The following EMC3 variants were observed in gnomAD, a reference collection of about 807,000 sequenced individuals.
The protein encoded by EMC3 is ER membrane protein complex subunit 3.
EMC3 carries 13 observed loss-of-function variants against 36.6 expected under a neutral mutation model. The ratio of observed to expected loss-of-function variants is 0.35; its 90% confidence interval spans 0.23 to 0.56. The LOEUF (loss-of-function observed/expected upper bound fraction) is 0.56. EMC3 is among the 20% of genes least tolerant of loss of function. The pLI, the probability that EMC3 is intolerant of heterozygous loss-of-function variation, is 0.84. For missense variants in EMC3, 220 were observed against 324.5 expected, an observed-to-expected ratio of 0.68 and a Z score of 2.47; for synonymous variants, 120 against 111.9, an observed-to-expected ratio of 1.07 and a Z score of -0.46.
chr3:9,976,789 G>T (rs998011144), intron 3 of EMC3, among the ~76,000 whole-genome samples, 168 bp downstream of exon 3: 1 of 152,110 alleles, frequency 6.6e-6, no homozygotes, highest in Admixed American at 6.5e-5. Context: ...CTGAAAAAGA[G>T]AATTCCACTT....
intron 1 of EMC3, chr3:10,009,278 C>T (rs989283129): frequency 1.3e-5 from 2 of 152,376 alleles, no homozygotes; most frequent in East Asian, 3.9e-4. Flanking sequence ...GCATATATAT[C>T]TTCTATATAC....
intron 1 of EMC3, among the ~76,000 whole-genome samples, chr3:9,980,562 T>TG (rs1443734424): frequency 5.4e-5 from 8 of 149,196 alleles, no homozygotes; most frequent in Admixed American, 2.0e-4. Context: ...TTGTTTTTTT[T>TG]TTTTTTGTAG....
At chr3:9,989,371 C>G (rs13099736), upstream of EMC3, among the ~76,000 whole-genome samples, 33,257 of 151,186 alleles carry the variant, frequency 0.22, 3,871 homozygotes, top group African/African-American at 0.34. Flanking sequence ...GCCAATGTAG[C>G]GAAACCCCGT....
chr3:9,991,079 T>G (rs1260008585), upstream of EMC3, among the ~76,000 whole-genome samples: 2 of 150,056 alleles, frequency 1.3e-5, no homozygotes, highest in Admixed American at 6.6e-5. Context: ...CTGCCCGCCT[T>G]GGCCTCCCAA....
intron 7 of EMC3, among the ~76,000 whole-genome samples, chr3:9,965,214 C>G (rs2085724869): frequency 6.6e-6 from 1 of 151,856 alleles, no homozygotes; most frequent in Non-Finnish European, 1.5e-5. Flanking sequence ...CAAGACCAGC[C>G]TGGGCAACAC....
intron 4 of EMC3, 49 bp from the exon 5 acceptor site, chr3:9,973,758 G>A: frequency 1.3e-6 from 2 of 1,522,362 alleles, no homozygotes; most frequent in Non-Finnish European, 1.8e-6. Context: ...TTTATTTTTA[G>A]AATAAGTGTG....
chr3:9,971,750 T>A (rs548721271), intron 5 of EMC3, among the ~76,000 whole-genome samples: 1 of 152,252 alleles, frequency 6.6e-6, no homozygotes, highest in African/African-American at 2.4e-5. Flanking sequence ...CTAGCAGAAC[T>A]GTGCATGGCC....
chr3:9,967,259 C>CAA, intron 7 of EMC3, among the ~76,000 whole-genome samples: 1 of 152,106 alleles, frequency 6.6e-6, no homozygotes, highest in South Asian at 2.1e-4. Context: ...ATTGCAGCCT[C>CAA]AAACTCCTCA....
At chr3:9,995,491 A>G (rs569204094) in intron 1 of EMC3, among the ~76,000 whole-genome samples, 49 of 140,604 alleles carry the variant, frequency 3.5e-4, no homozygotes, top group African/African-American at 1.1e-3. Context: ...CAGCATTACT[A>G]GATAATAGAT....
intron 3 of EMC3, among the ~76,000 whole-genome samples, chr3:9,976,546 C>A (rs1478744074): frequency 6.6e-6 from 1 of 152,172 alleles, no homozygotes; most frequent in Admixed American, 6.5e-5. Flanking sequence ...CTTGGAAGTA[C>A]TGCACTCTTC....
chr3:9,965,457 GATA>G (rs2085728337), intron 7 of EMC3, among the ~76,000 whole-genome samples: 1 of 150,830 alleles, frequency 6.6e-6, no homozygotes, highest in Admixed American at 6.6e-5. Flanking sequence ...TAGATAGATA[GATA>G]GAACAAGCTT....
chr3:9,999,022 T>G (rs1040727650), intron 1 of EMC3, among the ~76,000 whole-genome samples: 5 of 152,198 alleles, frequency 3.3e-5, no homozygotes. Flanking sequence ...CCTCTGAAAG[T>G]GCTGGTGTTA....
At chr3:9,969,443 ACC>A in intron 7 of EMC3, 1 of 1,325,938 alleles carries the variant, frequency 7.5e-7, no homozygotes, top group Non-Finnish European at 9.7e-7. Flanking sequence ...CTAAATGTTT[ACC>A]TGGCACCTCC....
intron 7 of EMC3, among the ~76,000 whole-genome samples, chr3:9,965,132 T>C (rs535559627): frequency 6.8e-6 from 1 of 147,498 alleles, no homozygotes; most frequent in African/African-American, 2.5e-5. Flanking sequence ...GCTTGCGAGA[T>C]GTGGTAGCTC....
intron 1 of EMC3, chr3:10,004,489 C>A (rs981823860): frequency 1.3e-5 from 2 of 152,244 alleles, no homozygotes; most frequent in Non-Finnish European, 2.9e-5. Flanking sequence ...GACCACAGAC[C>A]CTTCCTCCTG....
intron 1 of EMC3, among the ~76,000 whole-genome samples, chr3:9,984,405 T>C (rs926547890): frequency 6.6e-6 from 1 of 151,168 alleles, no homozygotes; most frequent in African/African-American, 2.4e-5. Context: ...TTTCTGTTTT[T>C]TTGAGACAGA....
rs558571465 is a variant in EMC3 at position 9,992,210 on chromosome 3, TC to T, written c.-241-5309del. Reference sequence around the variant, plus strand: ...ATCTCGGCTCATTGCAACCTGCACCTCCCGGGTTCGAGTCGTTGACCTGCCT... The same window carrying T: ...ATCTCGGCTCATTGCAACCTGCACCTCCGGGTTCGAGTCGTTGACCTGCCT... On this transcript the variant is annotated intron_variant, in intron 1 of 8. Transcript: ENST00000470827. 1.5e-3 allele frequency among the ~76,000 whole-genome samples: 232 copies of T among 152,234 alleles called. 2 individuals are homozygous for T. Among genetic ancestry groups the T allele is most frequent in the Non-Finnish European group, 2.6e-3 (180 of 68,002 alleles).
chr3:9,978,529 G>C (rs770892087), intron 1 of EMC3, among the ~76,000 whole-genome samples: 1 of 151,882 alleles, frequency 6.6e-6, no homozygotes, highest in Non-Finnish European at 1.5e-5. Context: ...AATGAACATA[G>C]TAAAACCTGT....
intron 7 of EMC3, among the ~76,000 whole-genome samples, chr3:9,966,537 GTTGT>G (rs1209512086): frequency 1.3e-5 from 2 of 148,852 alleles, no homozygotes; most frequent in Non-Finnish European, 3.0e-5. Flanking sequence ...CTGTTTTTTA[GTTGT>G]TTATTTTTTT....
Sources: gnomAD v4.1 joint callset for allele counts (sites outside exome capture counted in the v4.1 genomes callset) on GRCh38, gnomAD v4.1.1 for gene constraint, MANE v1.5 for transcripts, NCBI Gene and HGNC (gene_info 2026-07-23, HGNC 2026-07-21) for gene names.